HDAC8: variants seen among roughly 807,000 people sequenced by gnomAD.
HDAC8 encodes the protein histone deacetylase-like 1.
HDAC8 carries 1 observed loss-of-function variant against 32.2 expected under a neutral mutation model. That is an observed-to-expected ratio of 0.03 (90% CI 0.01 to 0.15). The LOEUF (loss-of-function observed/expected upper bound fraction) is 0.15. HDAC8 is among the 10% of genes least tolerant of loss of function. The pLI, the probability that HDAC8 is intolerant of heterozygous loss-of-function variation, is 1.00. For synonymous variants in HDAC8, 108 were observed against 113.9 expected (o/e 0.95, Z 0.33); for missense variants, 117 against 300.0 (o/e 0.39, Z 4.51).
intron 9 of HDAC8, among the ~76,000 whole-genome samples, chrX:72,449,691 C>G (rs1555986694): frequency 9.0e-6 from 1 of 110,542 alleles, no homozygotes; most frequent in Non-Finnish European, 1.9e-5. Flanking sequence ...ATTGGAAAGA[C>G]AGAGATGGCA....
At chrX:72,353,398 G>T (rs1373496123) in intron 9 of HDAC8, among the ~76,000 whole-genome samples, 1 of 112,147 alleles carries the variant, frequency 8.9e-6, no homozygotes, top group Non-Finnish European at 1.9e-5. Flanking sequence ...GAGGGGCTTA[G>T]GTCCTTCCTG....
At chrX:72,455,943 A>G (rs782085583) in intron 9 of HDAC8, among the ~76,000 whole-genome samples, 86 of 112,430 alleles carry the variant, frequency 7.6e-4, no homozygotes, top group Non-Finnish European at 1.3e-3. Flanking sequence ...CACTGGATTA[A>G]CCTTTAAGAA....
chrX:72,332,721 G>A (rs972971762), intron 10 of HDAC8, among the ~76,000 whole-genome samples: 1 of 109,233 alleles, frequency 9.2e-6, no homozygotes, highest in Non-Finnish European at 1.9e-5. Context: ...GTGCGATCTC[G>A]GCTCACTGCA....
chrX:72,479,464 T>C (rs1193405041), intron 7 of HDAC8, among the ~76,000 whole-genome samples: 3 of 112,145 alleles, frequency 2.7e-5, no homozygotes, highest in Non-Finnish European at 3.8e-5. Context: ...TTCCTGTCTC[T>C]GGAGAGCTTC....
At chrX:72,553,948 T>C (rs184337595) in intron 4 of HDAC8, among the ~76,000 whole-genome samples, 286 of 112,450 alleles carry the variant, frequency 2.5e-3, no homozygotes, top group African/African-American at 8.9e-3. Context: ...TTCATGCTTG[T>C]TTAATGTTTC....
At chrX:72,337,279 C>A (rs1337994006) in intron 10 of HDAC8, among the ~76,000 whole-genome samples, 5 of 112,222 alleles carry the variant, frequency 4.5e-5, no homozygotes, top group Non-Finnish European at 9.4e-5. Context: ...ATGGTAGCCA[C>A]TAGTCACATG....
intron 10 of HDAC8, among the ~76,000 whole-genome samples, chrX:72,333,914 A>T (rs1250548830): frequency 5.4e-5 from 6 of 111,360 alleles, no homozygotes; most frequent in Non-Finnish European, 1.1e-4. Flanking sequence ...GAATGCAAGG[A>T]TGAACAAAAT....
At chrX:72,525,466 C>A (rs906983280) in intron 4 of HDAC8, among the ~76,000 whole-genome samples, 5 of 110,165 alleles carry the variant, frequency 4.5e-5, no homozygotes, top group African/African-American at 1.3e-4. Context: ...TGTCTTGGCC[C>A]CTCAAATTGG....
At chrX:72,565,577 C>G (rs1556131814) in intron 4 of HDAC8, among the ~76,000 whole-genome samples, 1 of 112,185 alleles carries the variant, frequency 8.9e-6, no homozygotes, top group Non-Finnish European at 1.9e-5. Flanking sequence ...CCTTTGGCAG[C>G]AAAACAGTAA....
intron 4 of HDAC8, among the ~76,000 whole-genome samples, chrX:72,509,560 A>G (rs1187905978): frequency 4.5e-5 from 5 of 112,121 alleles, no homozygotes; most frequent in African/African-American, 1.6e-4. Context: ...TTTAAAAAGA[A>G]GGAAATCATG....
chrX:72,525,040 G>A (rs782155048), intron 4 of HDAC8, among the ~76,000 whole-genome samples: 3 of 111,732 alleles, frequency 2.7e-5, no homozygotes, highest in East Asian at 5.7e-4. Context: ...CCTGGCATGC[G>A]CAGTTCACAA....
chrX:72,469,872 G>A (rs190463943), intron 7 of HDAC8, among the ~76,000 whole-genome samples: 10 of 110,752 alleles, frequency 9.0e-5, no homozygotes, highest in African/African-American at 2.3e-4. Context: ...AAACATGGCC[G>A]GTCACGGTGG....
At chrX:72,569,181 CTT>C (rs782276547) in intron 2 of HDAC8, among the ~76,000 whole-genome samples, 15 of 112,492 alleles carry the variant, frequency 1.3e-4, no homozygotes, top group African/African-American at 4.8e-4. Context: ...ATCAGACAGA[CTT>C]TACCCTGTGA....
intron 6 of HDAC8, chrX:72,489,304 A>G (rs376446182): frequency 5.2e-5 from 22 of 427,104 alleles, no homozygotes; most frequent in African/African-American, 4.4e-4. Flanking sequence ...CATAACATCA[A>G]TTTATCACTG....
chrX:72,510,108 GC>G (rs1556021213), intron 4 of HDAC8, among the ~76,000 whole-genome samples: 1 of 111,652 alleles, frequency 9.0e-6, no homozygotes, highest in East Asian at 2.8e-4. Flanking sequence ...CCTCCCAAAG[GC>G]AAGTAAATGA....
intron 9 of HDAC8, among the ~76,000 whole-genome samples, chrX:72,436,855 G>A (rs1288220498): frequency 9.0e-6 from 1 of 111,558 alleles, no homozygotes. Context: ...TACTCAAAGA[G>A]GTGAAATGTT....
At chrX:72,436,425 G>T (rs1020859291) in intron 9 of HDAC8, among the ~76,000 whole-genome samples, 2 of 111,212 alleles carry the variant, frequency 1.8e-5, no homozygotes, top group Non-Finnish European at 3.8e-5. Context: ...TTTTAAGTGC[G>T]GAAAGAAAAG....
chrX:72,450,504 G>T (rs2047543374), intron 9 of HDAC8, among the ~76,000 whole-genome samples: 1 of 111,809 alleles, frequency 8.9e-6, no homozygotes, highest in Admixed American at 9.5e-5. Flanking sequence ...AGTTACCACT[G>T]GGGGGAACTG....
At chrX:72,401,861 C>G (rs917526403) in intron 9 of HDAC8, among the ~76,000 whole-genome samples, 84 of 112,249 alleles carry the variant, frequency 7.5e-4, no homozygotes, top group African/African-American at 2.6e-3. Flanking sequence ...ATAATAACAG[C>G]CTCATAGAAT....
Sources: gnomAD v4.1 joint callset for allele counts (sites outside exome capture counted in the v4.1 genomes callset) on GRCh38, gnomAD v4.1.1 for gene constraint, MANE v1.5 for transcripts, NCBI Gene and HGNC (gene_info 2026-07-23, HGNC 2026-07-21) for gene names.